Variants in CACNA2D3 observed in about 807,000 individuals in gnomAD.
CACNA2D3 encodes calcium voltage-gated channel auxiliary subunit alpha2delta 3.
CACNA2D3 carries 60 observed loss-of-function variants against 160.6 expected under a neutral mutation model. The ratio of observed to expected loss-of-function variants is 0.37; its 90% CI spans 0.30 to 0.46. The LOEUF (loss-of-function observed/expected upper bound fraction) is 0.46, where lower values mean the gene tolerates loss of function less well. CACNA2D3 is among the 20% of genes least tolerant of loss of function. The pLI is 1.00. For missense variants in CACNA2D3, 1,205 were observed against 1,365.0 expected, an observed-to-expected ratio of 0.88 and a Z score of 1.85; for synonymous variants, 558 against 492.9, an observed-to-expected ratio of 1.13 and a Z score of -1.75.
chr3:54,456,734 T>A (rs1161196047), intron 4 of CACNA2D3, among the ~76,000 whole-genome samples: 3 of 152,004 alleles, frequency 2.0e-5, no homozygotes, highest in Non-Finnish European at 2.9e-5. Flanking sequence ...GGTCCCGGGC[T>A]TTTCTTTATT....
At chr3:54,907,414 G>C (rs9808962) in intron 27 of CACNA2D3, among the ~76,000 whole-genome samples, 1 of 152,054 alleles carries the variant, frequency 6.6e-6, no homozygotes, top group Non-Finnish European at 1.5e-5. Context: ...ATATGTCTTA[G>C]ACCCAGATTC....
intron 4 of CACNA2D3, among the ~76,000 whole-genome samples, chr3:54,464,313 A>C (rs1700569725): frequency 6.6e-6 from 1 of 152,208 alleles, no homozygotes; most frequent in Admixed American, 6.5e-5. Context: ...GCTGTCAGAC[A>C]GGGACATTTA....
chr3:55,020,435 A>C (rs1703421609), intron 35 of CACNA2D3, among the ~76,000 whole-genome samples: 2 of 149,420 alleles, frequency 1.3e-5, no homozygotes, highest in African/African-American at 4.9e-5. Context: ...ATAATCTAGT[A>C]TATATTACAT....
At chr3:54,964,591 G>A (rs1019157808) in intron 27 of CACNA2D3, among the ~76,000 whole-genome samples, 7 of 152,248 alleles carry the variant, frequency 4.6e-5, no homozygotes, top group Non-Finnish European at 7.4e-5. Flanking sequence ...AGGTTATGTG[G>A]GGGCTGAAGG....
intron 2 of CACNA2D3, among the ~76,000 whole-genome samples, chr3:54,135,631 G>A (rs1223045699): frequency 2.0e-5 from 3 of 152,206 alleles, no homozygotes; most frequent in African/African-American, 7.2e-5. Flanking sequence ...TGCCTCCAGC[G>A]CCTCCCTGGG....
intron 32 of CACNA2D3, among the ~76,000 whole-genome samples, chr3:55,005,995 C>T (rs534476321): frequency 1.1e-4 from 17 of 152,284 alleles, no homozygotes; most frequent in Admixed American, 7.8e-4. Flanking sequence ...GGTTCTCCTA[C>T]ACTGAGGGAG....
At chr3:54,212,602 T>C (rs1012231798) in intron 2 of CACNA2D3, among the ~76,000 whole-genome samples, 1 of 152,186 alleles carries the variant, frequency 6.6e-6, no homozygotes, top group African/African-American at 2.4e-5. Context: ...TGGCTTTTCC[T>C]GAATTCCAAA....
intron 11 of CACNA2D3, among the ~76,000 whole-genome samples, chr3:54,647,392 T>C (rs1005151130): frequency 4.6e-5 from 7 of 152,164 alleles, no homozygotes; most frequent in African/African-American, 2.4e-5. Context: ...CAATAATTTA[T>C]TATTTCTTGT....
intron 9 of CACNA2D3, among the ~76,000 whole-genome samples, chr3:54,621,601 A>G (rs1338338565): frequency 6.6e-6 from 1 of 152,232 alleles, no homozygotes; most frequent in Non-Finnish European, 1.5e-5. Flanking sequence ...TTTAATTGAG[A>G]AAAATAATGA....
At chr3:54,898,794 A>G (rs985675870) in intron 26 of CACNA2D3, among the ~76,000 whole-genome samples, 2 of 152,226 alleles carry the variant, frequency 1.3e-5, no homozygotes, top group Admixed American at 1.3e-4. Flanking sequence ...AAGTGAGTTT[A>G]CCTTGTTCAT....
chr3:54,801,688 A>C (rs1301493124), intron 13 of CACNA2D3, among the ~76,000 whole-genome samples: 2 of 152,264 alleles, frequency 1.3e-5, no homozygotes, highest in East Asian at 3.9e-4. Context: ...AATTTTCTAC[A>C]AAAAACCGGC....
At chr3:54,696,425 G>T (rs887701622) in intron 11 of CACNA2D3, among the ~76,000 whole-genome samples, 1 of 152,202 alleles carries the variant, frequency 6.6e-6, no homozygotes, top group African/African-American at 2.4e-5. Flanking sequence ...GCATAGAAAT[G>T]AGTTTGACTT....
chr3:54,427,578 A>G (rs1331191333), intron 4 of CACNA2D3, among the ~76,000 whole-genome samples: 6 of 152,334 alleles, frequency 3.9e-5, no homozygotes, highest in Non-Finnish European at 7.3e-5. Context: ...TTAAATGTAA[A>G]TTTAACTGTG....
At chr3:54,696,049 G>T (rs9856685) in intron 11 of CACNA2D3, among the ~76,000 whole-genome samples, 9,772 of 152,168 alleles carry the variant, frequency 0.064, 1,006 homozygotes, top group African/African-American at 0.22. Context: ...TGTGGTCCTA[G>T]AGACTGGGAG....
chr3:54,846,281 G>T, intron 16 of CACNA2D3, 112 bp from the exon 17 acceptor site: 1 of 637,478 alleles, frequency 1.6e-6, no homozygotes, highest in African/African-American at 1.8e-5. Context: ...GCTGATAAGG[G>T]TTATGAATGA....
chr3:54,479,378 T>C (rs1700895162), intron 4 of CACNA2D3, among the ~76,000 whole-genome samples: 1 of 152,216 alleles, frequency 6.6e-6, no homozygotes, highest in African/African-American at 2.4e-5. Flanking sequence ...CTGTTCATGA[T>C]TTCAGACATT....
At chr3:54,822,342 G>A (rs567648899) in intron 14 of CACNA2D3, among the ~76,000 whole-genome samples, 55 of 152,326 alleles carry the variant, frequency 3.6e-4, no homozygotes, top group South Asian at 2.1e-4. Flanking sequence ...TGTAGCCAGC[G>A]TGAGAGGCTC....
At chr3:54,159,244 C>T (rs539001904) in intron 2 of CACNA2D3, among the ~76,000 whole-genome samples, 3 of 152,230 alleles carry the variant, frequency 2.0e-5, no homozygotes, top group East Asian at 3.9e-4. Flanking sequence ...TAGTTTTATA[C>T]CCAAACATCC....
At chr3:54,294,046 C>A (rs1382155044) in intron 2 of CACNA2D3, among the ~76,000 whole-genome samples, 1 of 152,102 alleles carries the variant, frequency 6.6e-6, no homozygotes, top group Non-Finnish European at 1.5e-5. Flanking sequence ...GTTTACATTA[C>A]GTTAAAGCTG....
Sources: gnomAD v4.1 joint callset for allele counts (sites outside exome capture counted in the v4.1 genomes callset) on GRCh38, gnomAD v4.1.1 for gene constraint, MANE v1.5 for transcripts, NCBI Gene and HGNC (gene_info 2026-07-23, HGNC 2026-07-21) for gene names.